Variants in FMN1 observed in about 807,000 individuals in gnomAD.
The protein encoded by FMN1 is formin-1.
A neutral mutation model predicts 132.4 loss-of-function variants in FMN1; 110 were observed. That is an observed-to-expected ratio of 0.83 (90% confidence interval 0.71 to 0.97). The LOEUF (loss-of-function observed/expected upper bound fraction) is 0.97, where lower values mean the gene tolerates loss of function less well. Among genes scored for constraint, FMN1 ranks in the 50% least tolerant of loss-of-function variants. FMN1 has a pLI of 0.00. For synonymous variants in FMN1, 722 were observed against 651.7 expected (o/e 1.11, Z -1.64); for missense variants, 1,792 against 1,705.3 (o/e 1.05, Z -0.90).
At chr15:32,779,404 T>G (rs1167529379) in intron 19 of FMN1, among the ~76,000 whole-genome samples, 4 of 152,220 alleles carry the variant, frequency 2.6e-5, no homozygotes, top group Admixed American at 6.5e-5. Context: ...TGTAAACAAT[T>G]AGACAATATT....
intron 9 of FMN1, among the ~76,000 whole-genome samples, chr15:32,938,472 T>C (rs867727346): frequency 6.6e-6 from 1 of 152,122 alleles, no homozygotes; most frequent in African/African-American, 2.4e-5. Context: ...GAAGTTGCAG[T>C]GAGCCAAGAT....
At chr15:32,971,428 C>A (rs1039781632) in intron 7 of FMN1, among the ~76,000 whole-genome samples, 1 of 152,156 alleles carries the variant, frequency 6.6e-6, no homozygotes, top group African/African-American at 2.4e-5. Context: ...GTTCTACTAC[C>A]GATTACCTAA....
At chr15:32,820,737 A>T (rs183289948) in intron 17 of FMN1, among the ~76,000 whole-genome samples, 1 of 152,354 alleles carries the variant, frequency 6.6e-6, no homozygotes, top group Non-Finnish European at 1.5e-5. Flanking sequence ...CGAAGGGCTG[A>T]TAATTGTTTT....
chr15:32,851,153 A>G (rs1054851159), intron 17 of FMN1, among the ~76,000 whole-genome samples: 5 of 152,238 alleles, frequency 3.3e-5, no homozygotes, highest in African/African-American at 1.2e-4. Context: ...GACTAGGGCT[A>G]GAATGGTTCA....
intron 3 of FMN1, among the ~76,000 whole-genome samples, chr15:33,158,007 A>AAAG (rs1555410150): frequency 6.7e-6 from 1 of 150,098 alleles, no homozygotes; most frequent in African/African-American, 2.5e-5. Context: ...AAAAAAAAAA[A>AAAG]AAAGAAAAAG....
chr15:33,024,481 C>T (rs1487904153), intron 6 of FMN1, among the ~76,000 whole-genome samples: 2 of 151,646 alleles, frequency 1.3e-5, no homozygotes, highest in Non-Finnish European at 2.9e-5. Flanking sequence ...TTCCTGACCT[C>T]GCAATCCGCC....
chr15:33,082,020 G>GGGGGGTGTGTGTGTGT (rs1355703560), intron 5 of FMN1, among the ~76,000 whole-genome samples: 1 of 117,762 alleles, frequency 8.5e-6, no homozygotes, highest in African/African-American at 3.4e-5. Context: ...AGAGTTCAGG[G>GGGGGGTGTGTGTGTGT]GTGTGTGTGT....
chr15:32,939,954 A>G (rs764781058), intron 9 of FMN1, among the ~76,000 whole-genome samples: 1 of 152,202 alleles, frequency 6.6e-6, no homozygotes, highest in Non-Finnish European at 1.5e-5. Flanking sequence ...AGTTATAAGA[A>G]ACTGATAATT....
chr15:32,954,198 T>TA (rs1472540324), intron 9 of FMN1, among the ~76,000 whole-genome samples: 1 of 152,198 alleles, frequency 6.6e-6, no homozygotes, highest in East Asian at 1.9e-4. Flanking sequence ...TTGGTTTGTT[T>TA]AAAAATAACT....
chr15:33,095,043 G>C (rs575965826), intron 4 of FMN1, among the ~76,000 whole-genome samples: 57 of 152,296 alleles, frequency 3.7e-4, no homozygotes, highest in Middle Eastern at 3.4e-3. Flanking sequence ...AAAAATTTTA[G>C]TATGTTTGGT....
Position 32,779,934 on chromosome 15 carries a change from A to G in FMN1, c.4131-3015T>C, listed in dbSNP as rs192348248. On this transcript the variant is annotated intron_variant, in intron 19 of 20. Coordinates refer to ENST00000616417, the MANE Select transcript of FMN1 (RefSeq NM_001277313.2). ...ATCAGAGGCATGATACTGAGAGTGA[A>G]GAATCCTGCAGTGATACAGTGAATA... 4.6e-5 allele frequency among the ~76,000 whole-genome samples: 7 copies of G among 152,328 alleles called. No homozygotes were observed. The East Asian group carries it at 1.2e-3, about 25-fold the overall frequency.
intron 16 of FMN1, among the ~76,000 whole-genome samples, chr15:32,872,799 C>T (rs1194364973): frequency 6.6e-6 from 1 of 152,222 alleles, no homozygotes; most frequent in Non-Finnish European, 1.5e-5. Context: ...TTTCTCTGAC[C>T]TCTGAGCCCA....
chr15:32,805,386 G>A (rs554197251), intron 17 of FMN1, among the ~76,000 whole-genome samples: 47 of 152,094 alleles, frequency 3.1e-4, no homozygotes, highest in African/African-American at 1.1e-3. Context: ...TTTTCTTTGT[G>A]GATTCTGGAT....
At chr15:32,999,203 C>A (rs1040510939) in intron 7 of FMN1, among the ~76,000 whole-genome samples, 1 of 152,042 alleles carries the variant, frequency 6.6e-6, no homozygotes, top group Non-Finnish European at 1.5e-5. Context: ...GTTTATTGGC[C>A]TACAAATTAT....
intron 4 of FMN1, among the ~76,000 whole-genome samples, chr15:33,098,978 T>C (rs345790): frequency 0.69 from 104,309 of 152,016 alleles, 36,017 homozygotes; most frequent in East Asian, 0.85. Flanking sequence ...TTAAACTCTC[T>C]TGAATAGCCC....
chr15:33,163,910 G>A (rs999036889), intron 3 of FMN1, among the ~76,000 whole-genome samples: 8 of 152,112 alleles, frequency 5.3e-5, no homozygotes, highest in Non-Finnish European at 8.8e-5. Context: ...AAGCCACTGC[G>A]CCTGGCCTGT....
intron 4 of FMN1, among the ~76,000 whole-genome samples, chr15:33,136,416 AAC>A (rs1459524710): frequency 6.6e-6 from 1 of 152,250 alleles, no homozygotes; most frequent in African/African-American, 2.4e-5. Flanking sequence ...TATAACCATA[AAC>A]ACAGAGACAG....
chr15:33,080,283 C>T (rs9783740), intron 5 of FMN1, among the ~76,000 whole-genome samples: 8 of 152,104 alleles, frequency 5.3e-5, no homozygotes, highest in South Asian at 4.1e-4. Flanking sequence ...ATCTAATTTA[C>T]GCTGTGGAGT....
chr15:32,779,282 T>C (rs1385366064), intron 19 of FMN1, among the ~76,000 whole-genome samples: 3 of 152,208 alleles, frequency 2.0e-5, no homozygotes, highest in Non-Finnish European at 4.4e-5. Flanking sequence ...GTGTATGGAA[T>C]TGTACACTTT....
Sources: allele counts gnomAD v4.1 joint callset (sites outside exome capture counted in the v4.1 genomes callset), GRCh38; gene constraint gnomAD v4.1.1; transcripts MANE v1.5; gene names NCBI Gene and HGNC (gene_info 2026-07-23, HGNC 2026-07-21).